The following WNK2 variants were observed in gnomAD, a reference collection of about 807,000 sequenced individuals.
WNK2 encodes serine/threonine-protein kinase WNK2.
WNK2 carries 67 observed loss-of-function variants against 192.1 expected under a neutral mutation model. The ratio of observed to expected loss-of-function variants is 0.35; its 90% CI spans 0.29 to 0.43. The LOEUF (loss-of-function observed/expected upper bound fraction) is 0.43, where lower values mean the gene tolerates loss of function less well. Among genes scored for constraint, WNK2 ranks in the 20% least tolerant of loss-of-function variants. The pLI is 1.00. For missense variants in WNK2, 2,698 were observed against 3,089.7 expected, an observed-to-expected ratio of 0.87 and a Z score of 3.01; for synonymous variants, 1,439 against 1,393.9, an observed-to-expected ratio of 1.03 and a Z score of -0.72.
At chr9:93,197,679 T>C (rs1406226242) in intron 2 of WNK2, among the ~76,000 whole-genome samples, 2 of 152,156 alleles carry the variant, frequency 1.3e-5, no homozygotes, top group East Asian at 3.9e-4. Context: ...TACACCACCA[T>C]GCCCAGCTAA....
intron 14 of WNK2, 127 bp from the exon 15 acceptor site, chr9:93,263,439 C>A: frequency 1.6e-6 from 2 of 1,239,052 alleles, no homozygotes; most frequent in Non-Finnish European, 2.3e-6. Context: ...ACAGGACGGG[C>A]TGCCTCTGTA....
intron 19 of WNK2, among the ~76,000 whole-genome samples, chr9:93,285,813 A>G (rs937114421): frequency 1.3e-5 from 2 of 152,222 alleles, no homozygotes; most frequent in East Asian, 1.9e-4. Flanking sequence ...CACAGAGACA[A>G]TCTGGTCCTA....
chr9:93,301,190 G>C (rs887006635), intron 26 of WNK2, among the ~76,000 whole-genome samples: 1 of 152,104 alleles, frequency 6.6e-6, no homozygotes, highest in African/African-American at 2.4e-5. Flanking sequence ...TGAACCAAAA[G>C]CTGTGAGATT....
At position 93,221,789 on chromosome 9, in the gene WNK2, G is replaced by A. The variant is rs149162367; in HGVS notation, c.682-7907G>A. ...GCAGTCAGTGAGAGGCTTTCGGGAA[G>A]AGCCGCGTCGTGTCCATCACCTCCG... is the stretch of plus-strand genomic sequence containing the variant. On this transcript the variant is annotated intron_variant, in intron 2 of 29. Transcript: ENST00000427277. 5.3e-3 allele frequency among the ~76,000 whole-genome samples: 814 copies of A among 152,290 alleles called. 7 individuals carry two copies. Among genetic ancestry groups the A allele is most frequent in the African/African-American group, 0.018 (765 of 41,564 alleles).
rs184436265 is a variant in WNK2, at chr9:93,193,189, C to T, written c.681+7579C>T. Among the ~76,000 whole-genome samples the T allele has an allele frequency of 7.2e-5, 11 of 152,268 alleles. No homozygotes were observed. In the East Asian group the frequency reaches 7.7e-4, roughly 11 times the overall value. On this transcript the variant is annotated intron_variant, in intron 2 of 29. Transcript: ENST00000427277. ...AGGACGTCGCCCCAAAGGTCCCAGCCGCACTGCCCTGGTGCATACAAAATA... is the reference window on the plus strand; with the variant it reads ...AGGACGTCGCCCCAAAGGTCCCAGCTGCACTGCCCTGGTGCATACAAAATA...
intron 2 of WNK2, among the ~76,000 whole-genome samples, chr9:93,209,034 A>G (rs1281559808): frequency 3.3e-5 from 5 of 152,154 alleles, no homozygotes; most frequent in African/African-American, 1.2e-4. Context: ...TGATCGGACC[A>G]AGAGGTTGCA....
At chr9:93,262,863 G>A in intron 14 of WNK2, 144 bp downstream of exon 14, 1 of 873,720 alleles carries the variant, frequency 1.1e-6, no homozygotes, top group African/African-American at 1.7e-5. Flanking sequence ...AACCTGACCT[G>A]GTGGAGCCTC....
chr9:93,292,513 C>A lies in WNK2; in HGVS notation c.5048C>A (p.Pro1683His), dbSNP rs141279663. 1.3e-4 allele frequency: 205 copies of A among 1,590,300 alleles called. No homozygotes were observed. In the African/African-American group the frequency reaches 2.4e-3, roughly 18 times the overall value. ...VPQDVPAFVRPARVEPTDRDG... is the reference protein window; with the variant it reads ...VPQDVPAFVRHARVEPTDRDG... ...AAGGATGTACCTGCTTTTGTGAGAC[C>A]TGCACGTGTGGAGCCCACAGACAGG... The change falls in exon 23 of 30, where the codon CCT becomes CAT. Residue 1683 changes from proline (P) to histidine (H), a missense_variant. This residue lies in a region of WNK2 where 1,098 missense variants were observed against 1,101.0 expected (regional missense o/e 1.00). Transcript: ENST00000427277.
At chr9:93,234,702 G>A (rs1839507525) in intron 4 of WNK2, 106 bp from the exon 5 acceptor site, 3 of 1,339,462 alleles carry the variant, frequency 2.2e-6, no homozygotes, top group Admixed American at 2.2e-5. Context: ...CATGGGATGT[G>A]GAGGGGACAT....
intron 19 of WNK2, among the ~76,000 whole-genome samples, chr9:93,282,083 G>A (rs1847827830): frequency 6.6e-6 from 1 of 152,156 alleles, no homozygotes; most frequent in Admixed American, 6.5e-5. Flanking sequence ...AGTGAATTTT[G>A]ACTGGATGAA....
At chr9:93,184,796 G>A (rs1828973403) in intron 1 of WNK2, 132 bp from the exon 2 acceptor site, 2 of 795,302 alleles carry the variant, frequency 2.5e-6, no homozygotes, top group Non-Finnish European at 1.7e-6. Context: ...CCCCAGAGAC[G>A]GCCCCCGCAG....
rs988742438 is a variant in WNK2, at chr9:93,274,245, G to A, written c.4033+5499G>A. ...AATACTAAAGAAAGCACATAAGGCC[G>A]GGTGCAGTGGCTCACGCCTGTAATC... On this transcript the variant is annotated intron_variant, in intron 19 of 29. Transcript: ENST00000427277. Among the ~76,000 whole-genome samples the A allele has an allele frequency of 1.1e-4, 16 of 152,158 alleles. 1 individual carries two copies. Among genetic ancestry groups the A allele is most frequent in the South Asian group, 6.2e-4 (3 of 4,830 alleles).
At chr9:93,238,503 A>G (rs1840196825) in intron 6 of WNK2, among the ~76,000 whole-genome samples, 182 bp downstream of exon 6, 1 of 152,198 alleles carries the variant, frequency 6.6e-6, no homozygotes, top group South Asian at 2.1e-4. Flanking sequence ...GGGTGACACC[A>G]GGCCAGGAGG....
chr9:93,212,171 A>G (rs372463749), intron 2 of WNK2, among the ~76,000 whole-genome samples: 3 of 152,246 alleles, frequency 2.0e-5, no homozygotes, highest in Non-Finnish European at 4.4e-5. Flanking sequence ...TAACTCTTCA[A>G]TTGTGGGAGG....
At chr9:93,279,949 CTT>C (rs1847475192) in intron 19 of WNK2, among the ~76,000 whole-genome samples, 1 of 152,068 alleles carries the variant, frequency 6.6e-6, no homozygotes. Flanking sequence ...AACTATGAAA[CTT>C]ATGGTAGAAA....
intron 2 of WNK2, among the ~76,000 whole-genome samples, chr9:93,187,025 T>C (rs748376879): frequency 2.0e-5 from 3 of 152,108 alleles, no homozygotes; most frequent in Non-Finnish European, 2.9e-5. Context: ...AGAGAGGGCC[T>C]GAAAGGGGAG....
chr9:93,317,833 G>C (rs781697648), intron 29 of WNK2: 1 of 1,505,258 alleles, frequency 6.6e-7, no homozygotes, highest in Admixed American at 2.2e-5. Flanking sequence ...CCTGGCCCCC[G>C]GCTGCGGATC....
intron 19 of WNK2, among the ~76,000 whole-genome samples, chr9:93,275,987 A>G (rs1846804600): frequency 6.6e-6 from 1 of 152,240 alleles, no homozygotes; most frequent in Non-Finnish European, 1.5e-5. Flanking sequence ...TACTGTGTTC[A>G]TGGATTGGAA....
intron 2 of WNK2, among the ~76,000 whole-genome samples, chr9:93,191,728 G>A (rs1281912344): frequency 6.6e-6 from 1 of 152,084 alleles, no homozygotes; most frequent in African/African-American, 2.4e-5. Context: ...CAGATCTGAA[G>A]GTAGAGAAGG....
Sources: gnomAD v4.1 joint callset for allele counts (sites outside exome capture counted in the v4.1 genomes callset) on GRCh38, gnomAD v4.1.1 for gene constraint, gnomAD v4.1.1 regional missense constraint, MANE v1.5 for transcripts, NCBI Gene and HGNC (gene_info 2026-07-23, HGNC 2026-07-21) for gene names.